Variants in SPATA16 observed in about 807,000 individuals in gnomAD.
SPATA16 encodes the protein spermatogenesis-associated protein 16.
In SPATA16, 36 loss-of-function variants were observed where a neutral mutation model predicts 63.3. The observed-to-expected ratio is 0.57, with a 90% CI of 0.44 to 0.75. The LOEUF is 0.75. SPATA16 is among the 30% of genes least tolerant of loss of function. SPATA16 has a pLI of 0.00. For synonymous variants in SPATA16, 203 were observed against 216.7 expected (o/e 0.94, Z 0.56); for missense variants, 646 against 679.3 (o/e 0.95, Z 0.54).
intron 1 of SPATA16, among the ~76,000 whole-genome samples, chr3:173,129,793 T>C (rs952699217): frequency 2.6e-5 from 4 of 152,112 alleles, no homozygotes; most frequent in African/African-American, 9.7e-5. Flanking sequence ...GTCTGTACAA[T>C]TGGGGAACAC....
intron 1 of SPATA16, among the ~76,000 whole-genome samples, chr3:173,133,852 T>C (rs1577192727): frequency 6.6e-6 from 1 of 152,296 alleles, no homozygotes; most frequent in South Asian, 2.1e-4. Flanking sequence ...AGCCACAAAC[T>C]TGGCTTAATA....
intron 1 of SPATA16, among the ~76,000 whole-genome samples, chr3:173,135,217 C>A (rs958856953): frequency 7.9e-5 from 12 of 152,146 alleles, no homozygotes; most frequent in African/African-American, 2.9e-4. Flanking sequence ...GTTATTAACT[C>A]CCATTAGTCA....
rs184954535 is a variant in SPATA16, at chr3:173,054,764, A to G, written c.613-5670T>C. Among the ~76,000 whole-genome samples, 24 of 152,254 alleles carry G rather than the reference A, an allele frequency of 1.6e-4. No homozygotes were observed. The East Asian group carries it at 4.6e-3, about 29-fold the overall frequency. On this transcript the variant is annotated intron_variant, in intron 2 of 10. Coordinates refer to ENST00000351008, the MANE Select transcript of SPATA16 (RefSeq NM_031955.6). ...TATCCTTTTTTTTTAAGAATAAAGA[A>G]AAGAGAAAGAAAACACATATGTAAA...
chr3:173,059,981 G>T (rs930154178), intron 2 of SPATA16, among the ~76,000 whole-genome samples: 1 of 151,928 alleles, frequency 6.6e-6, no homozygotes, highest in Non-Finnish European at 1.5e-5. Context: ...AGCTGGCTGG[G>T]CACAGTGGCT....
intron 4 of SPATA16, among the ~76,000 whole-genome samples, chr3:172,979,153 C>G (rs1056723262): frequency 2.6e-5 from 4 of 152,018 alleles, no homozygotes. Context: ...AGGAGGATGC[C>G]GTGAACCCAG....
At chr3:172,973,229 T>G (rs1463236546) in intron 5 of SPATA16, among the ~76,000 whole-genome samples, 1 of 152,176 alleles carries the variant, frequency 6.6e-6, no homozygotes, top group Admixed American at 6.6e-5. Flanking sequence ...GAGATCAATT[T>G]CCAATTCAAT....
At chr3:172,958,267 TG>T (rs1344691769) in intron 5 of SPATA16, among the ~76,000 whole-genome samples, 3 of 152,130 alleles carry the variant, frequency 2.0e-5, no homozygotes, top group Non-Finnish European at 4.4e-5. Context: ...GGAAGGCTAA[TG>T]GGGATAATGC....
chr3:173,027,422 G>T (rs1735475877), intron 3 of SPATA16, among the ~76,000 whole-genome samples: 2 of 151,804 alleles, frequency 1.3e-5, no homozygotes, highest in African/African-American at 4.8e-5. Context: ...TTGCCCTATT[G>T]TACTGTTTAT....
intron 10 of SPATA16, among the ~76,000 whole-genome samples, chr3:172,911,328 C>A (rs1732367941): frequency 6.6e-6 from 1 of 152,126 alleles, no homozygotes; most frequent in African/African-American, 2.4e-5. Context: ...TCAGGGACAC[C>A]AGTACCAGCT....
At chr3:173,021,206 C>CA (rs1428642456) in intron 3 of SPATA16, among the ~76,000 whole-genome samples, 1 of 152,146 alleles carries the variant, frequency 6.6e-6, no homozygotes, top group African/African-American at 2.4e-5. Context: ...ACTTCAAACA[C>CA]AAATCAGCAG....
intron 4 of SPATA16, among the ~76,000 whole-genome samples, chr3:172,979,604 A>G (rs1024113097): frequency 6.6e-6 from 1 of 152,192 alleles, no homozygotes; most frequent in African/African-American, 2.4e-5. Context: ...TGTGTTCACC[A>G]TTGTAAAATT....
rs137853118 is a variant in SPATA16 at position 173,019,486 on chromosome 3, C to T, written c.848G>A (p.Arg283Gln). 4.0e-4 allele frequency: 642 copies of T among 1,612,888 alleles called. No individual in the cohort carries two copies. Among genetic ancestry groups the T allele is most frequent in the Non-Finnish European group, 4.4e-4 (522 of 1,179,162 alleles). Residue 283 changes from arginine (R) to glutamine (Q), a missense_variant and splice_region_variant, in exon 4 of 11, where the codon CGG becomes CAG. Transcript: ENST00000351008. ...CTCACAAAAGTTAAAACAAACATAC[C>T]GGGCAGCCTCTGAATACCTCTCCAG... ...RCLERYSEAA[R>Q]SAMIADYMFW...
In SPATA16 at chr3:173,027,008, T is replaced by G. The variant is rs557598010; in HGVS notation, c.759-7433A>C. On this transcript the variant is annotated intron_variant, in intron 3 of 10. Coordinates refer to ENST00000351008, the MANE Select transcript of SPATA16 (RefSeq NM_031955.6). ...AGTGTATAGAAAACTTTAAGATCTA[T>G]TGACATCTTAATAATATTGAGTCAT... Among the ~76,000 whole-genome samples, 275 of 152,050 alleles carry G rather than the reference T, an allele frequency of 1.8e-3. 1 individual carries two copies. Among genetic ancestry groups the G allele is most frequent in the South Asian group, 3.7e-3 (18 of 4,830 alleles).
At chr3:173,074,514 A>C (rs1023018393) in intron 2 of SPATA16, among the ~76,000 whole-genome samples, 1 of 152,074 alleles carries the variant, frequency 6.6e-6, no homozygotes, top group Admixed American at 6.5e-5. Context: ...TGGTTCTCTC[A>C]TTCTTTCTTG....
intron 6 of SPATA16, among the ~76,000 whole-genome samples, chr3:172,936,170 C>T (rs1207553362): frequency 6.6e-6 from 1 of 152,140 alleles, no homozygotes; most frequent in African/African-American, 2.4e-5. Context: ...GTCTTTTGTT[C>T]TAATGAGGCA....
intron 2 of SPATA16, among the ~76,000 whole-genome samples, chr3:173,053,348 G>A (rs967467934): frequency 1.3e-5 from 2 of 152,056 alleles, no homozygotes; most frequent in Non-Finnish European, 2.9e-5. Flanking sequence ...CTGCACTCCA[G>A]CCTGGGTGAC....
chr3:173,000,938 G>T (rs916931881), intron 4 of SPATA16, among the ~76,000 whole-genome samples: 21 of 151,972 alleles, frequency 1.4e-4, no homozygotes, highest in African/African-American at 5.1e-4. Context: ...CCTGCATGTT[G>T]TCTCCTTTTC....
intron 6 of SPATA16, among the ~76,000 whole-genome samples, chr3:172,951,231 C>A (rs1733423469): frequency 6.6e-6 from 1 of 151,776 alleles, no homozygotes; most frequent in African/African-American, 2.4e-5. Flanking sequence ...AAATATAATA[C>A]AATACAGCTC....
chr3:172,946,948 GGA>G (rs753072799), intron 6 of SPATA16, among the ~76,000 whole-genome samples: 2 of 152,132 alleles, frequency 1.3e-5, no homozygotes, highest in African/African-American at 2.4e-5. Context: ...CATGGCCATA[GGA>G]GTGCTTGTAT....
Sources: allele counts gnomAD v4.1 joint callset (sites outside exome capture counted in the v4.1 genomes callset), GRCh38; gene constraint gnomAD v4.1.1; transcripts MANE v1.5; gene names NCBI Gene and HGNC (gene_info 2026-07-23, HGNC 2026-07-21).